Variants in TCF25 observed in about 807,000 individuals in gnomAD.
TCF25 encodes the protein TCF25 ribosome quality control complex subunit.
Under a neutral mutation model 83.1 loss-of-function variants are expected in TCF25, and 41 were observed. That is an observed-to-expected ratio of 0.49 (90% CI 0.38 to 0.64). The LOEUF is 0.64. TCF25 is among the 30% of genes least tolerant of loss of function. The pLI is 0.00. For synonymous variants in TCF25, 458 were observed against 365.0 expected (o/e 1.25, Z -2.90); for missense variants, 979 against 914.5 (o/e 1.07, Z -0.91).
At chr16:89,884,165 C>A in intron 2 of TCF25, 1 of 192,798 alleles carries the variant, frequency 5.2e-6, no homozygotes, top group Non-Finnish European at 1.1e-5. Flanking sequence ...CTGGGGGCTT[C>A]CTGAGGAGCC....
chr16:89,903,169 G>C (rs1311460106), intron 12 of TCF25, among the ~76,000 whole-genome samples: 1 of 152,250 alleles, frequency 6.6e-6, no homozygotes, highest in Admixed American at 6.5e-5. Flanking sequence ...ACAGGCTGTA[G>C]CGTCAGCACC....
In TCF25 at chr16:89,895,077, C is replaced by T. The variant is rs776614685; in HGVS notation, c.868C>T (p.Leu290=). The T allele has an allele frequency of 1.2e-6, 2 of 1,613,388 alleles. No individual in the cohort carries two copies. The highest frequency in any genetic ancestry group is 1.3e-5 in the African/African-American group (1 of 75,044). ...QTSPYHVDSL[L]QLSDACRFQE... is the part of the protein sequence containing the mutation. Reference sequence around the variant, plus strand: ...GAGCCCTTACCACGTTGACTCACTCCTGCAGCTCAGCGATGCCTGCCGCTT... The same window carrying T: ...GAGCCCTTACCACGTTGACTCACTCTTGCAGCTCAGCGATGCCTGCCGCTT... The change falls in exon 8 of 18, where the codon CTG becomes TTG. Residue 290 remains leucine, a synonymous_variant. Transcript: ENST00000263346.
intron 5 of TCF25, among the ~76,000 whole-genome samples, chr16:89,890,891 A>G (rs924480900): frequency 4.6e-5 from 7 of 152,122 alleles, no homozygotes; most frequent in Non-Finnish European, 1.0e-4. Context: ...TTTAAGTCCT[A>G]CCAAAAGACT....
chr16:89,883,996 G>C (rs867715455), intron 2 of TCF25: 69 of 169,990 alleles, frequency 4.1e-4, no homozygotes, highest in Admixed American at 2.3e-3. Context: ...CAGCACAGAA[G>C]AGGGGCCCTA....
intron 16 of TCF25, chr16:89,910,237 A>G (rs1021644977): frequency 3.3e-5 from 10 of 305,228 alleles, no homozygotes; most frequent in African/African-American, 1.5e-4. Context: ...GCCTTTGCGT[A>G]AGGAGTGGGT....
In TCF25 at chr16:89,910,683, G is replaced by A. The variant is rs2045487645; in HGVS notation, c.1872+20G>A. On this transcript the variant is annotated intron_variant, in intron 17 of 17. Coordinates refer to ENST00000263346, the MANE Select transcript of TCF25 (RefSeq NM_014972.3). ...ATGGAGGTAGGTTGAGCTCGTCCCA[G>A]CCCCTGCCTCCCCAGTGGGTGCGGG... is the stretch of plus-strand genomic sequence containing the variant. The A allele has an allele frequency of 6.2e-7, 1 of 1,612,456 alleles. No homozygotes were observed. Among genetic ancestry groups the A allele is most frequent in the Non-Finnish European group, 8.5e-7 (1 of 1,179,464 alleles).
At chr16:89,894,224 CCCCCGGACGGCCCCCACACGG>C (rs1226716029) in intron 7 of TCF25, among the ~76,000 whole-genome samples, 24 of 151,830 alleles carry the variant, frequency 1.6e-4, no homozygotes, top group African/African-American at 4.4e-4. Context: ...CCCCGTGCAG[CCCCCGGACGGCCCCCACACGG>C]CCCCGGACGG....
At position 89,886,096 on chromosome 16, in the gene TCF25, A is replaced by G. The variant is rs2144036937; in HGVS notation, c.548+130A>G. The G allele has an allele frequency of 6.1e-6, 4 of 656,364 alleles. No homozygotes were observed. The East Asian group carries it at 1.4e-4, about 24-fold the overall frequency. 40.7% of individuals were successfully genotyped at this position (656,364 alleles called of 1,614,324 possible). On this transcript the variant is annotated intron_variant, in intron 4 of 17. Coordinates refer to ENST00000263346, the MANE Select transcript of TCF25 (RefSeq NM_014972.3). The stretch of plus-strand genomic sequence containing the variant: ...CGTGGGAGGAAAAGGTTCTCTAAAA[A>G]AGGAAAAATAAAATGTACTGTCTTT...
Position 89,904,153 on chromosome 16 carries a change from C to G in TCF25, c.1417C>G (p.Pro473Ala), listed in dbSNP as rs745371968. Residue 473 changes from proline (P) to alanine (A), a missense_variant, in exon 13 of 18, where the codon CCC becomes GCC. Coordinates refer to ENST00000263346, the MANE Select transcript of TCF25 (RefSeq NM_014972.3). Reference protein sequence around the residue: ...LPLLESCSVRPDASVSSHRFF... With the variant: ...LPLLESCSVRADASVSSHRFF... Reference sequence around the variant, plus strand: ...CCTGCTCGAGTCTTGCAGTGTGCGGCCCGACGCCAGCGTTTCCAGTCACCG... The same window carrying G: ...CCTGCTCGAGTCTTGCAGTGTGCGGGCCGACGCCAGCGTTTCCAGTCACCG... The G allele has an allele frequency of 1.9e-6, 3 of 1,605,864 alleles. No homozygotes were observed. Among genetic ancestry groups the G allele is most frequent in the Non-Finnish European group, 2.6e-6 (3 of 1,176,392 alleles).
At chr16:89,907,005 G>A (rs2044846838) in intron 15 of TCF25, among the ~76,000 whole-genome samples, 1 of 152,076 alleles carries the variant, frequency 6.6e-6, no homozygotes, top group Admixed American at 6.6e-5. Flanking sequence ...TGGTGTGCAG[G>A]GCAGACGCCG....
chr16:89,878,961 G>C (rs12919804), intron 1 of TCF25, among the ~76,000 whole-genome samples: 1 of 152,138 alleles, frequency 6.6e-6, no homozygotes, highest in African/African-American at 2.4e-5. Context: ...TTTGTCTGAC[G>C]GTGATTGACA....
Position 89,894,414 on chromosome 16 carries a change from G to A in TCF25, c.828+556G>A, listed in dbSNP as rs1009136226. On this transcript the variant is annotated intron_variant, in intron 7 of 17. Coordinates refer to ENST00000263346, the MANE Select transcript of TCF25 (RefSeq NM_014972.3). ...GCCCCCGGGCGGCCCTCACGCAGCC[G>A]CCGGACAGCTCCCCTTGCAACCCCG... 1.6e-4 allele frequency among the ~76,000 whole-genome samples: 23 copies of A among 144,158 alleles called. 1 individual carries two copies. Among genetic ancestry groups the A allele is most frequent in the Middle Eastern group, 7.0e-3 (2 of 284 alleles). 94.6% of individuals were successfully genotyped at this position (144,158 alleles called of 152,430 possible).
At chr16:89,888,736 G>C (rs1375719498) in intron 5 of TCF25, among the ~76,000 whole-genome samples, 1 of 149,916 alleles carries the variant, frequency 6.7e-6, no homozygotes, top group African/African-American at 2.5e-5. Flanking sequence ...GAATGCAGTG[G>C]TGTGATCCTG....
In TCF25 at chr16:89,907,286, C is replaced by T; in HGVS notation, c.1763C>T (p.Pro588Leu). The change falls in exon 16 of 18, where the codon CCT (proline) becomes CTT (leucine). Residue 588 changes from proline (P) to leucine (L), a missense_variant. Coordinates refer to ENST00000263346, the MANE Select transcript of TCF25 (RefSeq NM_014972.3). ...QSVMGFDPLPPSDTIYSYVRP... is the reference protein window; with the variant it reads ...QSVMGFDPLPLSDTIYSYVRP... Reference sequence around the variant, plus strand: ...GTGATGGGGTTTGATCCTCTGCCTCCTTCGGACACAATCTACTCCTACGTC... The same window carrying T: ...GTGATGGGGTTTGATCCTCTGCCTCTTTCGGACACAATCTACTCCTACGTC... The T allele has an allele frequency of 6.2e-7, 1 of 1,609,068 alleles. No homozygotes were observed.
intron 15 of TCF25, 22 bp downstream of exon 15, chr16:89,906,306 G>A (rs2144274236): frequency 6.2e-7 from 1 of 1,609,970 alleles, no homozygotes; most frequent in Non-Finnish European, 8.5e-7. Flanking sequence ...AGGCTGAAAT[G>A]GGAGCTCTGT....
chr16:89,904,790 T>C (rs1465639966), intron 13 of TCF25, 148 bp from the exon 14 acceptor site: 30 of 970,298 alleles, frequency 3.1e-5, no homozygotes, highest in Non-Finnish European at 4.8e-5. Context: ...CCCCACGCCC[T>C]CAGGCCAGCA....
At chr16:89,904,260 G>T in intron 13 of TCF25, 55 bp downstream of exon 13, 1 of 1,541,414 alleles carries the variant, frequency 6.5e-7, no homozygotes, top group South Asian at 1.2e-5. Flanking sequence ...CGGAGCCTGG[G>T]AGCCATTTTC....
chr16:89,873,730 C>G lies in TCF25; in HGVS notation c.63C>G (p.Pro21=), dbSNP rs781481877. The G allele has an allele frequency of 6.8e-6, 11 of 1,611,382 alleles. No individual in the cohort carries two copies. Among genetic ancestry groups the G allele is most frequent in the South Asian group, 1.1e-5 (1 of 90,902 alleles). ...AGCGCGGCCAGGAGCCCCTCGGGCC[C>G]GGCGCCTTGCATTTCGATCTCCGTG... ...GEQRGQEPLG[P]GALHFDLRDD... Residue 21 remains proline, a synonymous_variant, in exon 1 of 18, where the codon CCC becomes CCG. Transcript: ENST00000263346.
At chr16:89,909,825 T>C (rs2045397029) in intron 16 of TCF25, 1 of 152,448 alleles carries the variant, frequency 6.6e-6, no homozygotes, top group Non-Finnish European at 1.5e-5. Flanking sequence ...CGAGGCCCTG[T>C]GCCAGGAGCA....
Sources: allele counts gnomAD v4.1 joint callset (sites outside exome capture counted in the v4.1 genomes callset), GRCh38; gene constraint gnomAD v4.1.1; transcripts MANE v1.5; gene names NCBI Gene and HGNC (gene_info 2026-07-23, HGNC 2026-07-21).